KYNU: variants seen among roughly 807,000 people sequenced by gnomAD.
KYNU encodes kynureninase, also known as L-kynurenine hydrolase.
In KYNU, 54 loss-of-function variants were observed where a neutral mutation model predicts 59.2. That is an observed-to-expected ratio of 0.91 (90% CI 0.73 to 1.14). The LOEUF (loss-of-function observed/expected upper bound fraction) is 1.14. Ranked by LOEUF, KYNU falls within the 50% of genes most tolerant of loss-of-function variation. KYNU has a pLI of 0.00. For synonymous variants in KYNU, 177 were observed against 192.0 expected (o/e 0.92, Z 0.65); for missense variants, 567 against 554.4 (o/e 1.02, Z -0.23).
intron 10 of KYNU, among the ~76,000 whole-genome samples, chr2:142,999,333 G>A (rs141079039): frequency 1.3e-4 from 20 of 152,130 alleles, no homozygotes; most frequent in African/African-American, 4.8e-4. Flanking sequence ...TAATTCATAG[G>A]ATTATTTTAA....
chr2:142,930,358 G>A (rs1439075134), intron 4 of KYNU, among the ~76,000 whole-genome samples: 1 of 152,168 alleles, frequency 6.6e-6, no homozygotes, highest in East Asian at 1.9e-4. Context: ...TGCTGCAGGT[G>A]AATACTCCCA....
At chr2:142,944,760 A>G (rs1027428992) in intron 4 of KYNU, among the ~76,000 whole-genome samples, 1 of 152,228 alleles carries the variant, frequency 6.6e-6, no homozygotes, top group African/African-American at 2.4e-5. Flanking sequence ...ACCAAAAAAG[A>G]TAGGCCAATT....
At chr2:143,032,733 G>GTGTGTGTGTGTGTGTGTGTT (rs1426569918) in intron 11 of KYNU, among the ~76,000 whole-genome samples, 8 of 151,324 alleles carry the variant, frequency 5.3e-5, no homozygotes, top group African/African-American at 1.9e-4. Flanking sequence ...GTGTGTGTGT[G>GTGTGTGTGTGTGTGTGTGTT]TGTGTGTGTC....
Position 142,957,633 on chromosome 2 carries a change from C to A in KYNU, c.508-8C>A, listed in dbSNP as rs761116279. ...TGATTTGATAAATACATCATCTTTC[C>A]TTTTTAGTATGCTATTGAGTCACAA... On this transcript the variant is annotated splice_region_variant and splice_polypyrimidine_tract_variant and intron_variant, in intron 6 of 13. Coordinates refer to ENST00000264170, the MANE Select transcript of KYNU (RefSeq NM_003937.3). The A allele has an allele frequency of 1.9e-6, 3 of 1,555,290 alleles. No homozygotes were observed. The highest frequency in any genetic ancestry group is 2.7e-6 in the Non-Finnish European group (3 of 1,127,116).
chr2:142,989,018 C>A (rs1685312821), intron 10 of KYNU: 4 of 757,890 alleles, frequency 5.3e-6, no homozygotes, highest in Admixed American at 2.1e-5. Flanking sequence ...AAATCAAATA[C>A]CACCTGTGAG....
intron 11 of KYNU, among the ~76,000 whole-genome samples, chr2:143,032,497 G>C (rs994454483): frequency 6.6e-6 from 1 of 152,006 alleles, no homozygotes; most frequent in African/African-American, 2.4e-5. Flanking sequence ...ACCATAGTTT[G>C]CTTAATCCTG....
At chr2:142,880,234 A>G (rs919011095) in intron 1 of KYNU, among the ~76,000 whole-genome samples, 9 of 152,228 alleles carry the variant, frequency 5.9e-5, no homozygotes, top group Non-Finnish European at 8.8e-5. Context: ...CAGTCCAGCT[A>G]CCATCAGTAA....
At chr2:143,018,076 C>T (rs950026883) in intron 10 of KYNU, among the ~76,000 whole-genome samples, 2 of 152,142 alleles carry the variant, frequency 1.3e-5, no homozygotes, top group African/African-American at 4.8e-5. Context: ...AATATTTCCT[C>T]CCATTCTATA....
At chr2:142,922,857 G>A (rs1053085243) in intron 3 of KYNU, among the ~76,000 whole-genome samples, 4 of 152,200 alleles carry the variant, frequency 2.6e-5, no homozygotes, top group Non-Finnish European at 5.9e-5. Context: ...CAAAATACCT[G>A]AGTCTGGATA....
intron 2 of KYNU, among the ~76,000 whole-genome samples, chr2:142,894,319 G>A (rs1051347198): frequency 6.6e-6 from 1 of 151,940 alleles, no homozygotes; most frequent in Non-Finnish European, 1.5e-5. Flanking sequence ...CCTTGTATGG[G>A]GCATCCCTAT....
At chr2:142,912,970 C>T (rs1244469778) in intron 2 of KYNU, among the ~76,000 whole-genome samples, 1 of 152,076 alleles carries the variant, frequency 6.6e-6, no homozygotes, top group Non-Finnish European at 1.5e-5. Flanking sequence ...CCTCAGCTCC[C>T]AAAGTGCTGG....
Position 143,033,299 on chromosome 2 carries a change from G to A in KYNU, c.1019G>A (p.Cys340Tyr). ...RISNPPILLV[C>Y]SLHASLEIFK... ...TCAAATCCTCCCATTTTGTTGGTCT[G>A]TTCCTTGCATGCTAGTTTAGAGGTA... The change falls in exon 12 of 14, where the codon TGT becomes TAT. Residue 340 changes from cysteine to tyrosine, a missense_variant. Physicochemically the swap from Cys to Tyr is radical, Grantham distance 194. Coordinates refer to ENST00000264170, the MANE Select transcript of KYNU (RefSeq NM_003937.3). The A allele has an allele frequency of 6.2e-7, 1 of 1,613,660 alleles. No individual in the cohort carries two copies. The highest frequency in any genetic ancestry group is 8.5e-7 in the Non-Finnish European group (1 of 1,179,554).
chr2:142,944,421 A>C (rs895944485), intron 4 of KYNU, among the ~76,000 whole-genome samples: 1 of 152,236 alleles, frequency 6.6e-6, no homozygotes, highest in Non-Finnish European at 1.5e-5. Flanking sequence ...TAAGCAGAGA[A>C]GCACTCTTTG....
chr2:142,951,359 C>G (rs1683984148), intron 4 of KYNU, among the ~76,000 whole-genome samples: 1 of 152,132 alleles, frequency 6.6e-6, no homozygotes, highest in Non-Finnish European at 1.5e-5. Flanking sequence ...GAGTTTGAGA[C>G]CAGCCTGGAC....
chr2:143,025,383 G>C (rs1686521437), intron 10 of KYNU, among the ~76,000 whole-genome samples: 1 of 152,040 alleles, frequency 6.6e-6, no homozygotes, highest in Non-Finnish European at 1.5e-5. Flanking sequence ...ATTTGGGGGA[G>C]GTACCTAAGC....
At chr2:143,028,897 C>A (rs1257795326) in intron 10 of KYNU, among the ~76,000 whole-genome samples, 1 of 150,010 alleles carries the variant, frequency 6.7e-6, no homozygotes, top group East Asian at 2.0e-4. Context: ...ATGAAAGCAA[C>A]CAATTTCCTT....
intron 1 of KYNU, among the ~76,000 whole-genome samples, chr2:142,883,739 T>C (rs529892995): frequency 6.6e-6 from 1 of 152,256 alleles, no homozygotes; most frequent in East Asian, 1.9e-4. Context: ...TCTTCCACAC[T>C]CCAGTGACTC....
At chr2:142,912,076 G>A (rs894328291) in intron 2 of KYNU, among the ~76,000 whole-genome samples, 1 of 152,070 alleles carries the variant, frequency 6.6e-6, no homozygotes, top group Non-Finnish European at 1.5e-5. Context: ...ATGAGTCGGG[G>A]AGGAGTCACC....
At chr2:142,968,188 T>C (rs1057151398) in intron 8 of KYNU, among the ~76,000 whole-genome samples, 2 of 152,134 alleles carry the variant, frequency 1.3e-5, no homozygotes, top group African/African-American at 4.8e-5. Context: ...GGTCAGTAAA[T>C]TATAATAAAG....
Sources: allele counts gnomAD v4.1 joint callset (sites outside exome capture counted in the v4.1 genomes callset), GRCh38; gene constraint gnomAD v4.1.1; transcripts MANE v1.5; gene names NCBI Gene and HGNC (gene_info 2026-07-23, HGNC 2026-07-21).